ANKFN1: variants seen among roughly 807,000 people sequenced by gnomAD.
ANKFN1 encodes the protein ankyrin repeat and fibronectin type III domain containing 1.
A neutral mutation model predicts 108.7 loss-of-function variants in ANKFN1; 74 were observed. That is an observed-to-expected ratio of 0.68 (90% CI 0.56 to 0.83). The LOEUF is 0.83. Ranked by LOEUF, ANKFN1 falls within the 40% of genes least tolerant of loss-of-function variation. The pLI, the probability that ANKFN1 is intolerant of heterozygous loss-of-function variation, is 0.00. For synonymous variants in ANKFN1, 547 were observed against 516.2 expected (o/e 1.06, Z -0.81); for missense variants, 1,505 against 1,382.3 (o/e 1.09, Z -1.41).
intron 4 of ANKFN1, among the ~76,000 whole-genome samples, chr17:56,129,224 T>A (rs950035388): frequency 2.0e-5 from 3 of 152,194 alleles, no homozygotes; most frequent in Non-Finnish European, 4.4e-5. Flanking sequence ...ATGAATGCCC[T>A]GACAATTGGA....
At chr17:56,131,482 A>C (rs1598120842) in intron 4 of ANKFN1, among the ~76,000 whole-genome samples, 1 of 152,238 alleles carries the variant, frequency 6.6e-6, no homozygotes, top group Non-Finnish European at 1.5e-5. Flanking sequence ...AATAAAAAAT[A>C]AAAAATCTCT....
At chr17:56,250,502 G>T (rs976445832) in intron 3 of ANKFN1, among the ~76,000 whole-genome samples, 9 of 152,104 alleles carry the variant, frequency 5.9e-5, no homozygotes, top group African/African-American at 2.2e-4. Flanking sequence ...ATTAACCCAG[G>T]GAGCTTGATA....
At chr17:56,180,678 T>C (rs762595347) in intron 1 of ANKFN1, among the ~76,000 whole-genome samples, 3 of 152,190 alleles carry the variant, frequency 2.0e-5, no homozygotes, top group Non-Finnish European at 4.4e-5. Flanking sequence ...ACATAATTAG[T>C]ATTCTAAGCA....
chr17:56,426,233 T>C (rs8066290), intron 8 of ANKFN1, among the ~76,000 whole-genome samples: 120,678 of 152,172 alleles, frequency 0.79, 48,124 homozygotes, highest in East Asian at 0.96. Context: ...ATACATAAAA[T>C]TTTTCAAAAT....
intron 8 of ANKFN1, among the ~76,000 whole-genome samples, chr17:56,419,044 C>A (rs1278025854): frequency 6.6e-6 from 1 of 152,188 alleles, no homozygotes; most frequent in Non-Finnish European, 1.5e-5. Context: ...ACACCTCAGC[C>A]CTTAGATGTC....
chr17:56,300,475 T>C (rs1007803331), intron 3 of ANKFN1, among the ~76,000 whole-genome samples: 2 of 152,182 alleles, frequency 1.3e-5, no homozygotes, highest in Non-Finnish European at 2.9e-5. Context: ...TTCTGTTTCC[T>C]TTACACTTAA....
intron 4 of ANKFN1, among the ~76,000 whole-genome samples, chr17:56,076,501 A>G (rs1905183225): frequency 6.6e-6 from 1 of 152,254 alleles, no homozygotes; most frequent in East Asian, 1.9e-4. Context: ...GTGAGCCTCT[A>G]CTATGGGGGC....
chr17:56,496,649 A>AC (rs1306209706), intron 19 of ANKFN1, among the ~76,000 whole-genome samples: 2 of 152,080 alleles, frequency 1.3e-5, no homozygotes, highest in Non-Finnish European at 1.5e-5. Flanking sequence ...GAATGTCCTT[A>AC]TGAGGACATC....
intron 4 of ANKFN1, among the ~76,000 whole-genome samples, chr17:56,146,287 G>A (rs1372506698): frequency 2.0e-5 from 3 of 152,288 alleles, no homozygotes; most frequent in East Asian, 3.9e-4. Context: ...TTTTCCAGGT[G>A]CATGGTGCAG....
At chr17:56,185,593 G>A (rs1912120584) in intron 1 of ANKFN1, among the ~76,000 whole-genome samples, 1 of 152,148 alleles carries the variant, frequency 6.6e-6, no homozygotes, top group South Asian at 2.1e-4. Flanking sequence ...CTTGTAGGAG[G>A]GAATTCTAGG....
intron 3 of ANKFN1, among the ~76,000 whole-genome samples, chr17:56,315,167 T>C (rs2045164120): frequency 6.6e-6 from 1 of 152,218 alleles, no homozygotes; most frequent in Non-Finnish European, 1.5e-5. Flanking sequence ...CTTAATGAAA[T>C]GTAAATGCTC....
intron 3 of ANKFN1, among the ~76,000 whole-genome samples, chr17:56,321,852 G>C (rs2045376927): frequency 1.3e-5 from 2 of 152,138 alleles, no homozygotes; most frequent in Non-Finnish European, 2.9e-5. Flanking sequence ...AGCTGGTGAG[G>C]GGCAGCTCAA....
chr17:56,048,978 C>T (rs149052667), intron 4 of ANKFN1, among the ~76,000 whole-genome samples: 2 of 152,374 alleles, frequency 1.3e-5, no homozygotes, highest in African/African-American at 4.8e-5. Flanking sequence ...ATAGTTTCCA[C>T]TGCCCTGTAA....
intron 4 of ANKFN1, among the ~76,000 whole-genome samples, chr17:56,087,214 G>A (rs1192933768): frequency 1.3e-5 from 2 of 151,202 alleles, no homozygotes; most frequent in Non-Finnish European, 3.0e-5. Context: ...GTCTTTCATG[G>A]GGAACAAGGC....
At chr17:56,372,049 G>A (rs1482670186) in intron 6 of ANKFN1, among the ~76,000 whole-genome samples, 1 of 152,174 alleles carries the variant, frequency 6.6e-6, no homozygotes, top group East Asian at 1.9e-4. Flanking sequence ...TAGCTCAACT[G>A]TGGCAGCAGT....
At chr17:56,410,082 A>G (rs2048042161) in intron 8 of ANKFN1, among the ~76,000 whole-genome samples, 1 of 152,062 alleles carries the variant, frequency 6.6e-6, no homozygotes, top group Middle Eastern at 3.2e-3. Context: ...CTTTATTTTA[A>G]TTTTATATTG....
chr17:56,463,561 G>A (rs1394650953), intron 14 of ANKFN1, among the ~76,000 whole-genome samples: 9 of 152,150 alleles, frequency 5.9e-5, no homozygotes, highest in Non-Finnish European at 1.5e-5. Context: ...AGCCCACATT[G>A]TTTTTCTTTC....
Position 56,387,418 on chromosome 17 carries a change from C to G in ANKFN1, c.910+12704C>G, listed in dbSNP as rs377758004. ...CTTCCATGTTAATCCAAGAGTTTTT[C>G]AAGGAATCACTTTAAATTTCCAAGT... On this transcript the variant is annotated intron_variant, in intron 8 of 20. Coordinates refer to ENST00000682825, the MANE Select transcript of ANKFN1 (RefSeq NM_001370326.1). Among the ~76,000 whole-genome samples the G allele has an allele frequency of 4.6e-5, 7 of 152,108 alleles. No individual in the cohort carries two copies. The East Asian group carries it at 1.2e-3, about 25-fold the overall frequency.
chr17:56,229,113 A>T (rs1172611490), intron 3 of ANKFN1, among the ~76,000 whole-genome samples: 2 of 152,136 alleles, frequency 1.3e-5, no homozygotes, highest in Middle Eastern at 3.2e-3. Context: ...CTCAAGCGTT[A>T]GCACAAAAGA....
Sources: allele counts gnomAD v4.1 joint callset (sites outside exome capture counted in the v4.1 genomes callset), GRCh38; gene constraint gnomAD v4.1.1; transcripts MANE v1.5; gene names NCBI Gene and HGNC (gene_info 2026-07-23, HGNC 2026-07-21).